NTM: variants seen among roughly 807,000 people sequenced by gnomAD.
NTM encodes neurotrimin, also known as IgLON family member 2.
In NTM, 13 loss-of-function variants were observed where a neutral mutation model predicts 42.1. The observed-to-expected ratio is 0.31, with a 90% CI of 0.20 to 0.49. The LOEUF is 0.49. NTM is among the 20% of genes least tolerant of loss of function. The pLI is 0.99. For synonymous variants in NTM, 187 were observed against 179.2 expected (o/e 1.04, Z -0.35); for missense variants, 373 against 452.8 (o/e 0.82, Z 1.60).
chr11:131,916,368 C>G (rs1263298515), intron 2 of NTM, among the ~76,000 whole-genome samples: 1 of 152,212 alleles, frequency 6.6e-6, no homozygotes, highest in Admixed American at 6.5e-5. Flanking sequence ...AAAGTGCATT[C>G]TTTCCTGGGG....
At chr11:132,261,964 G>T (rs925214008) in intron 4 of NTM, among the ~76,000 whole-genome samples, 1 of 152,198 alleles carries the variant, frequency 6.6e-6, no homozygotes, top group Non-Finnish European at 1.5e-5. Context: ...CATTAAGGAG[G>T]CTCCAGCTGG....
At chr11:131,424,595 C>CTTTTTTTTTT (rs1446801058) in intron 1 of NTM, among the ~76,000 whole-genome samples, 8 of 39,624 alleles carry the variant, frequency 2.0e-4, no homozygotes, top group African/African-American at 7.5e-4. Context: ...TATTTCTTTT[C>CTTTTTTTTTT]TTTTCTTTTT....
intron 1 of NTM, among the ~76,000 whole-genome samples, chr11:131,646,343 G>A (rs924620728): frequency 6.6e-6 from 1 of 152,066 alleles, no homozygotes; most frequent in African/African-American, 2.4e-5. Flanking sequence ...TATTTTTGAT[G>A]CGTATAAAGA....
At chr11:132,106,899 C>T (rs143047850) in intron 2 of NTM, among the ~76,000 whole-genome samples, 1,741 of 152,202 alleles carry the variant, frequency 0.011, 35 homozygotes, top group African/African-American at 0.04. Context: ...CATAGATAGT[C>T]ACAACTGGGT....
intron 1 of NTM, among the ~76,000 whole-genome samples, chr11:131,826,787 C>A (rs1039357009): frequency 2.6e-5 from 4 of 152,214 alleles, no homozygotes; most frequent in African/African-American, 9.6e-5. Flanking sequence ...TGGTCCCAAA[C>A]TGCCAGAGTG....
chr11:131,520,747 C>T (rs2049525796), intron 1 of NTM, among the ~76,000 whole-genome samples: 2 of 113,034 alleles, frequency 1.8e-5, no homozygotes, highest in African/African-American at 5.3e-5. Context: ...GTACACTACC[C>T]TTAAAAGAAA....
intron 2 of NTM, among the ~76,000 whole-genome samples, chr11:132,064,179 C>T (rs1418395682): frequency 6.6e-6 from 1 of 152,158 alleles, no homozygotes; most frequent in East Asian, 1.9e-4. Context: ...GGGTTGCACA[C>T]TCTCTTTAAG....
At position 132,002,407 on chromosome 11, in the gene NTM, A is replaced by C. The variant is rs2069503433; in HGVS notation, c.167+90759A>C. On this transcript the variant is annotated intron_variant, in intron 2 of 8. Transcript: ENST00000683400. This position sits in a 1 kb window ranked among gnomAD's most constrained non-coding sequence, Gnocchi z 4.5. The stretch of plus-strand genomic sequence containing the variant: ...GCAACTGAGTTGGGAAGGTAACAGA[A>C]GGGGAAATTTTGGTTGAATAGGATA... Among the ~76,000 whole-genome samples the C allele has an allele frequency of 6.6e-6, 1 of 152,180 alleles. No homozygotes were observed. Among genetic ancestry groups the C allele is most frequent in the South Asian group, 2.1e-4 (1 of 4,826 alleles).
chr11:131,702,760 T>C (rs140465410), intron 1 of NTM, among the ~76,000 whole-genome samples: 25 of 152,346 alleles, frequency 1.6e-4, no homozygotes, highest in South Asian at 6.2e-4. Context: ...AATGTTGATT[T>C]TTAGCTACAG....
intron 2 of NTM, among the ~76,000 whole-genome samples, chr11:132,001,968 A>G (rs1194717248): frequency 2.0e-5 from 3 of 152,178 alleles, no homozygotes; most frequent in Admixed American, 6.5e-5. Flanking sequence ...GATAAGGAGA[A>G]TGGGTAAGAT....
chr11:131,459,306 G>T (rs984721115), intron 1 of NTM, among the ~76,000 whole-genome samples: 3 of 152,206 alleles, frequency 2.0e-5, no homozygotes, highest in Admixed American at 1.3e-4. Flanking sequence ...TTCAGAAAGG[G>T]CTTGGTGTCT....
At chr11:131,508,432 T>G (rs373122773) in intron 1 of NTM, among the ~76,000 whole-genome samples, 216 of 141,940 alleles carry the variant, frequency 1.5e-3, no homozygotes, top group Middle Eastern at 7.0e-3. Flanking sequence ...TTTACACTGT[T>G]GGTGGGACTG....
chr11:132,236,732 A>G (rs1215581153), intron 4 of NTM, among the ~76,000 whole-genome samples: 1 of 152,260 alleles, frequency 6.6e-6, no homozygotes, highest in African/African-American at 2.4e-5. Context: ...GCTAGTGCTC[A>G]GAAGTGTCCG....
chr11:132,004,605 T>TTCTCTCTCTCTCTCTC (rs71480226), intron 2 of NTM, among the ~76,000 whole-genome samples: 22 of 144,132 alleles, frequency 1.5e-4, no homozygotes, highest in Non-Finnish European at 2.3e-4. Flanking sequence ...CTTTCTCTCT[T>TTCTCTCTCTCTCTCTC]TCTCTCTCTC....
At chr11:131,911,336 G>A in intron 1 of NTM, 3 of 1,489,170 alleles carry the variant, frequency 2.0e-6, no homozygotes, top group Admixed American at 2.4e-5. Flanking sequence ...GAGTCTGCGC[G>A]CTTTTCTCCT....
intron 3 of NTM, among the ~76,000 whole-genome samples, chr11:132,163,168 C>G (rs1253964940): frequency 6.6e-6 from 1 of 152,138 alleles, no homozygotes; most frequent in African/African-American, 2.4e-5. Flanking sequence ...AAAGGGATTT[C>G]CTGGAACAGT....
At chr11:131,528,409 A>G (rs1325806966) in intron 1 of NTM, among the ~76,000 whole-genome samples, 1 of 152,190 alleles carries the variant, frequency 6.6e-6, no homozygotes, top group South Asian at 2.1e-4. Context: ...CATCTGTTCT[A>G]TGAGAGAGGT....
At chr11:131,705,909 CAGAA>C (rs1245934727) in intron 1 of NTM, among the ~76,000 whole-genome samples, 3 of 151,792 alleles carry the variant, frequency 2.0e-5, no homozygotes, top group African/African-American at 4.8e-5. Context: ...CAGAGGAAGA[CAGAA>C]AGAGAGGAAG....
At chr11:131,679,159 G>T (rs79176511) in intron 1 of NTM, among the ~76,000 whole-genome samples, 1,968 of 152,158 alleles carry the variant, frequency 0.013, 42 homozygotes, top group African/African-American at 0.044. Context: ...ATGGAAGTCA[G>T]CCCCCCTGAC....
Sources: allele counts gnomAD v4.1 joint callset (sites outside exome capture counted in the v4.1 genomes callset), GRCh38; gene constraint gnomAD v4.1.1; non-coding constraint Gnocchi (gnomAD v3.1); transcripts MANE v1.5; gene names NCBI Gene and HGNC (gene_info 2026-07-23, HGNC 2026-07-21).